TNRC6C: variants seen among roughly 807,000 people sequenced by gnomAD.
TNRC6C encodes the protein trinucleotide repeat-containing gene 6C protein.
Under a neutral mutation model 153.7 loss-of-function variants are expected in TNRC6C, and 20 were observed. The ratio of observed to expected loss-of-function variants is 0.13; its 90% CI spans 0.09 to 0.19. The LOEUF (loss-of-function observed/expected upper bound fraction) is 0.19, where lower values mean the gene tolerates loss of function less well. Ranked by LOEUF, TNRC6C falls within the 10% of genes least tolerant of loss-of-function variation. TNRC6C has a pLI of 1.00. For missense variants in TNRC6C, 1,987 were observed against 2,172.0 expected (o/e 0.91, Z 1.69); for synonymous variants, 811 against 841.4 (o/e 0.96, Z 0.63).
chr17:78,087,519 C>G (rs1446134497), intron 13 of TNRC6C, among the ~76,000 whole-genome samples: 5 of 152,036 alleles, frequency 3.3e-5, no homozygotes, highest in African/African-American at 1.2e-4. Context: ...AAAGGTAGTA[C>G]CAGTCAGAGC....
chr17:78,085,038 G>A (rs747422629), intron 11 of TNRC6C, among the ~76,000 whole-genome samples: 5 of 152,092 alleles, frequency 3.3e-5, no homozygotes, highest in African/African-American at 7.2e-5. Flanking sequence ...CCTGCCCGCC[G>A]GAGACCACTG....
At chr17:78,055,224 T>C (rs1567941609) in intron 3 of TNRC6C, among the ~76,000 whole-genome samples, 1 of 152,218 alleles carries the variant, frequency 6.6e-6, no homozygotes. Flanking sequence ...TTTTTTTTTG[T>C]ACCTTTTAAA....
intron 16 of TNRC6C, among the ~76,000 whole-genome samples, chr17:78,094,894 A>C (rs1269355264): frequency 2.0e-5 from 3 of 152,098 alleles, no homozygotes; most frequent in Non-Finnish European, 4.4e-5. Flanking sequence ...CGGAACAGGG[A>C]TGTTACGGGT....
intron 1 of TNRC6C, among the ~76,000 whole-genome samples, chr17:78,027,770 A>T (rs73373016): frequency 9.6e-4 from 146 of 152,324 alleles, no homozygotes; most frequent in African/African-American, 3.4e-3. Context: ...ATCCCAATGT[A>T]AGTGATGGTA....
chr17:77,994,913 TATTG>T (rs1221112065), intron 1 of TNRC6C, among the ~76,000 whole-genome samples: 1 of 152,234 alleles, frequency 6.6e-6, no homozygotes, highest in African/African-American at 2.4e-5. Context: ...CTGTGAATTT[TATTG>T]ATTGATTGGT....
At chr17:78,058,935 G>T (rs1303713628) in intron 3 of TNRC6C, among the ~76,000 whole-genome samples, 1 of 152,202 alleles carries the variant, frequency 6.6e-6, no homozygotes, top group Admixed American at 6.5e-5. Context: ...CAGAGGTTGT[G>T]TGCATTAATC....
intron 1 of TNRC6C, 126 bp downstream of exon 3, chr17:78,005,205 T>G (rs1401495139): frequency 1.6e-5 from 9 of 568,254 alleles, no homozygotes; most frequent in Non-Finnish European, 2.4e-5. Context: ...GAAACTATTT[T>G]TTATTATTCA....
At chr17:78,080,899 A>T (rs1253647767) in intron 10 of TNRC6C, among the ~76,000 whole-genome samples, 1 of 152,216 alleles carries the variant, frequency 6.6e-6, no homozygotes, top group Non-Finnish European at 1.5e-5. Context: ...GTGTTAATTC[A>T]TCAATCTTCT....
intron 1 of TNRC6C, among the ~76,000 whole-genome samples, chr17:78,027,927 G>A (rs1369530839): frequency 7.0e-6 from 1 of 142,276 alleles, no homozygotes; most frequent in Non-Finnish European, 1.5e-5. Flanking sequence ...TTTTTGAGAT[G>A]GAGTCTCGCC....
chr17:78,006,909 A>G (rs1051846469), intron 1 of TNRC6C, among the ~76,000 whole-genome samples: 15 of 150,250 alleles, frequency 1.0e-4, no homozygotes, highest in African/African-American at 3.7e-4. Context: ...GCTCACTGCA[A>G]CCTCCACCCC....
intron 17 of TNRC6C, among the ~76,000 whole-genome samples, chr17:78,100,516 C>G: frequency 6.6e-6 from 1 of 152,238 alleles, no homozygotes; most frequent in Non-Finnish European, 1.5e-5. Flanking sequence ...TCAGTCACAA[C>G]TGGAGCGGCT....
exon 11 of TNRC6C, chr17:78,083,089 C>T (rs750285570): frequency 6.2e-7 from 1 of 1,614,006 alleles, no homozygotes; most frequent in Non-Finnish European, 8.5e-7. Flanking sequence ...AAACATTGGT[C>T]TCAACCCTGC....
chr17:77,972,048 CAAA>C (rs993341715), intron 1 of TNRC6C, among the ~76,000 whole-genome samples: 1 of 148,860 alleles, frequency 6.7e-6, no homozygotes, highest in African/African-American at 2.5e-5. Context: ...GGCAAACAAA[CAAA>C]AAAAAAGTAG....
chr17:78,027,758 A>C (rs2143657207), intron 1 of TNRC6C, among the ~76,000 whole-genome samples: 1 of 152,330 alleles, frequency 6.6e-6, no homozygotes, highest in East Asian at 1.9e-4. Context: ...ATCATAAGAC[A>C]CATCCCAATG....
At chr17:78,102,490 C>T (rs756498054) in exon 18 of TNRC6C, 22 of 1,607,654 alleles carry the variant, frequency 1.4e-5, no homozygotes, top group East Asian at 6.7e-5. Context: ...CCTGGAGCAC[C>T]GACACCTCAG....
chr17:78,049,095 T>C lies in TNRC6C; in HGVS notation c.33T>C (p.Thr11=). Residue 11 remains threonine, a synonymous_variant, in exon 3 of 20, where the codon ACT becomes ACC. Coordinates refer to ENST00000301624, the Ensembl canonical transcript of TNRC6C. This position sits in a 1 kb window ranked among gnomAD's most constrained non-coding sequence, Gnocchi z 4.1. ...CAGGGAGTGCCCAGGGCAACTTCAC[T>C]GGACATACCAAGAAGACAAATGGCA... is the stretch of plus-strand genomic sequence containing the variant. 6.4e-7 allele frequency: 1 copy of C among 1,568,946 alleles called. No individual in the cohort carries two copies. Among genetic ancestry groups the C allele is most frequent in the Non-Finnish European group, 8.6e-7 (1 of 1,156,408 alleles).
exon 15 of TNRC6C, chr17:78,093,113 A>C (rs767021158): frequency 6.2e-7 from 1 of 1,612,692 alleles, no homozygotes; most frequent in Non-Finnish European, 8.5e-7. Flanking sequence ...TCTAGCATCA[A>C]CTGGCCCCCA....
At chr17:77,963,132 T>C (rs2070873877) in intron 1 of TNRC6C, among the ~76,000 whole-genome samples, 1 of 152,354 alleles carries the variant, frequency 6.6e-6, no homozygotes, top group Admixed American at 6.5e-5. Context: ...TTTAATGCAG[T>C]GGAGTCCATT....
intron 1 of TNRC6C, among the ~76,000 whole-genome samples, chr17:78,019,768 C>T (rs1668338757): frequency 6.6e-6 from 1 of 152,138 alleles, no homozygotes; most frequent in South Asian, 2.1e-4. Context: ...TATTCTCCTG[C>T]TGCATGAAAA....
Sources: allele counts gnomAD v4.1 joint callset (sites outside exome capture counted in the v4.1 genomes callset), GRCh38; gene constraint gnomAD v4.1.1; non-coding constraint Gnocchi (gnomAD v3.1); transcripts MANE v1.5; gene names NCBI Gene and HGNC (gene_info 2026-07-23, HGNC 2026-07-21).